The following CNTN5 variants were observed in gnomAD, a reference collection of about 807,000 sequenced individuals.
CNTN5 encodes contactin 5.
Under a neutral mutation model 129.1 loss-of-function variants are expected in CNTN5, and 77 were observed. The ratio of observed to expected loss-of-function variants is 0.60; its 90% CI spans 0.50 to 0.72. The LOEUF (loss-of-function observed/expected upper bound fraction) is 0.72, where lower values mean the gene tolerates loss of function less well. Ranked by LOEUF, CNTN5 falls within the 30% of genes least tolerant of loss-of-function variation. The pLI is 0.00. For synonymous variants in CNTN5, 509 were observed against 465.6 expected (o/e 1.09, Z -1.20); for missense variants, 1,478 against 1,328.8 (o/e 1.11, Z -1.75).
chr11:100,148,708 A>AGAT (rs1336167935), intron 13 of CNTN5, among the ~76,000 whole-genome samples: 2 of 93,352 alleles, frequency 2.1e-5, no homozygotes, highest in African/African-American at 1.2e-4. Context: ...ATTACAGGTC[A>AGAT]GATAGATATA....
intron 2 of CNTN5, among the ~76,000 whole-genome samples, chr11:99,495,515 G>A (rs912959442): frequency 1.3e-5 from 2 of 152,158 alleles, no homozygotes; most frequent in African/African-American, 4.8e-5. Flanking sequence ...AAGAGAAATA[G>A]CAGTTTTCAT....
intron 4 of CNTN5, among the ~76,000 whole-genome samples, chr11:99,831,501 G>A (rs1391286002): frequency 6.6e-6 from 1 of 152,192 alleles, no homozygotes; most frequent in Non-Finnish European, 1.5e-5. Flanking sequence ...TGGCGTTGCA[G>A]TTTTTGGTGC....
At chr11:99,642,870 T>C (rs998579673) in intron 3 of CNTN5, among the ~76,000 whole-genome samples, 2 of 152,202 alleles carry the variant, frequency 1.3e-5, no homozygotes, top group Non-Finnish European at 2.9e-5. Flanking sequence ...CTTGACTTAT[T>C]TCACTTACCA....
chr11:99,185,415 T>C (rs944133736), intron 1 of CNTN5, among the ~76,000 whole-genome samples: 3 of 151,902 alleles, frequency 2.0e-5, no homozygotes, highest in Non-Finnish European at 4.4e-5. Context: ...GAATCAATGA[T>C]AGTTAAGAAA....
chr11:100,068,839 C>G (rs1045067837), intron 10 of CNTN5, among the ~76,000 whole-genome samples: 3 of 152,112 alleles, frequency 2.0e-5, no homozygotes, highest in Non-Finnish European at 2.9e-5. Flanking sequence ...GGCCAGAAGA[C>G]CAGTAAGCTA....
intron 13 of CNTN5, among the ~76,000 whole-genome samples, chr11:100,110,743 G>C (rs1361533732): frequency 1.3e-5 from 2 of 152,158 alleles, no homozygotes; most frequent in Non-Finnish European, 2.9e-5. Context: ...TCCACCAATT[G>C]CATCTTTAGA....
chr11:99,325,718 G>A (rs1865757580), intron 2 of CNTN5, among the ~76,000 whole-genome samples: 1 of 152,156 alleles, frequency 6.6e-6, no homozygotes, highest in Non-Finnish European at 1.5e-5. Flanking sequence ...GTGAAACACA[G>A]TAAAATATTT....
chr11:100,308,362 C>G lies in CNTN5; in HGVS notation c.2624C>G (p.Pro875Arg). ...TGGTTTATTTTCCTTCATACAGAAC[C>G]CAGTGCTGCTCCCACAGATGTCAAG... ...IVVICSAEGE[P>R]SAAPTDVKAT... Residue 875 changes from proline (P) to arginine (R), a missense_variant, in exon 21 of 25, where the codon CCC becomes CGC. By Grantham distance (103) the Pro-to-Arg change is moderately radical (BLOSUM62 -2). Coordinates refer to ENST00000524871, the MANE Select transcript of CNTN5 (RefSeq NM_014361.4). 6.2e-7 allele frequency: 1 copy of G among 1,610,014 alleles called. No individual in the cohort carries two copies. Among genetic ancestry groups the G allele is most frequent in the South Asian group, 1.1e-5 (1 of 90,840 alleles).
chr11:99,293,491 G>A lies in CNTN5; in HGVS notation c.-209-31855G>A, dbSNP rs1184257347. Among the ~76,000 whole-genome samples, 4 of 152,028 alleles carry A rather than the reference G, an allele frequency of 2.6e-5. No homozygotes were observed. The South Asian group carries it at 6.2e-4, about 24-fold the overall frequency. On this transcript the variant is annotated intron_variant, in intron 1 of 24. Coordinates refer to ENST00000524871, the MANE Select transcript of CNTN5 (RefSeq NM_014361.4). ...TTGTATTGGAACAGTTTGAGTATAC[G>A]TGGTATTAGTTCTACTTTAAATGTT...
At chr11:99,102,475 C>T (rs921128991) in intron 1 of CNTN5, among the ~76,000 whole-genome samples, 4 of 152,138 alleles carry the variant, frequency 2.6e-5, no homozygotes, top group Non-Finnish European at 4.4e-5. Context: ...TTAACAGCAC[C>T]TAAGTAACCT....
At chr11:99,327,727 G>A (rs1203238565) in intron 2 of CNTN5, among the ~76,000 whole-genome samples, 1 of 152,164 alleles carries the variant, frequency 6.6e-6, no homozygotes, top group Non-Finnish European at 1.5e-5. Flanking sequence ...CACCTAATCT[G>A]TCACTGTAAC....
intron 13 of CNTN5, among the ~76,000 whole-genome samples, chr11:100,111,204 C>A (rs910430753): frequency 6.6e-5 from 10 of 152,038 alleles, no homozygotes; most frequent in Non-Finnish European, 1.5e-4. Flanking sequence ...TTAGACTAAC[C>A]TTTTTCCACT....
intron 1 of CNTN5, among the ~76,000 whole-genome samples, chr11:99,265,048 T>C (rs902691838): frequency 2.0e-5 from 3 of 151,888 alleles, no homozygotes; most frequent in South Asian, 4.1e-4. Context: ...AGAGTTTAAG[T>C]GAATTAAAGT....
In CNTN5 at chr11:99,754,142, T is replaced by C. The variant is rs535394268; in HGVS notation, c.56-65402T>C. Among the ~76,000 whole-genome samples, 34 of 152,352 alleles carry C rather than the reference T, an allele frequency of 2.2e-4. No homozygotes were observed. In the South Asian group the frequency reaches 4.4e-3, roughly 20 times the overall value. On this transcript the variant is annotated intron_variant, in intron 3 of 24. Coordinates refer to ENST00000524871, the MANE Select transcript of CNTN5 (RefSeq NM_014361.4). ...ACTGGCTTTATGGCTGTTGTCCATT[T>C]GATTGCTTAGCGTGTGTATCTTCAT...
At chr11:99,744,780 T>C (rs974242125) in intron 3 of CNTN5, among the ~76,000 whole-genome samples, 8 of 149,920 alleles carry the variant, frequency 5.3e-5, no homozygotes, top group African/African-American at 1.5e-4. Context: ...GATGTGGAGA[T>C]GCTAACCCTG....
chr11:100,271,731 G>A (rs959132152), intron 18 of CNTN5, among the ~76,000 whole-genome samples: 1 of 152,094 alleles, frequency 6.6e-6, no homozygotes, highest in Non-Finnish European at 1.5e-5. Context: ...CCTTCCTGAA[G>A]TCTATATGTA....
chr11:99,229,000 A>G (rs930988838), intron 1 of CNTN5, among the ~76,000 whole-genome samples: 3 of 152,004 alleles, frequency 2.0e-5, no homozygotes, highest in African/African-American at 7.2e-5. Context: ...TAATGATACC[A>G]TTTGGAAATC....
chr11:99,439,175 C>T (rs969200761), intron 2 of CNTN5, among the ~76,000 whole-genome samples: 4 of 151,976 alleles, frequency 2.6e-5, no homozygotes, highest in African/African-American at 9.7e-5. Flanking sequence ...AAAACAAATT[C>T]TATGTAATCA....
chr11:99,167,071 G>T (rs1171617764), intron 1 of CNTN5, among the ~76,000 whole-genome samples: 1 of 151,936 alleles, frequency 6.6e-6, no homozygotes, highest in African/African-American at 2.4e-5. Flanking sequence ...ACAGGAATAT[G>T]GTTCTTTTTG....
Sources: gnomAD v4.1 joint callset for allele counts (sites outside exome capture counted in the v4.1 genomes callset) on GRCh38, gnomAD v4.1.1 for gene constraint, MANE v1.5 for transcripts, NCBI Gene and HGNC (gene_info 2026-07-23, HGNC 2026-07-21) for gene names.